The following TRPM3 variants were observed in gnomAD, a reference collection of about 807,000 sequenced individuals.
TRPM3 encodes the protein long transient receptor potential channel 3.
A neutral mutation model predicts 181.2 loss-of-function variants in TRPM3; 77 were observed. The observed-to-expected ratio is 0.42, with a 90% CI of 0.35 to 0.51. The LOEUF is 0.51. Ranked by LOEUF, TRPM3 falls within the 20% of genes least tolerant of loss-of-function variation. The pLI, the probability that TRPM3 is intolerant of heterozygous loss-of-function variation, is 0.01. For missense variants in TRPM3, 1,759 were observed against 2,196.7 expected (o/e 0.80, Z 3.98); for synonymous variants, 745 against 796.4 (o/e 0.94, Z 1.09).
At chr9:71,298,160 C>T (rs1386593865) in intron 1 of TRPM3, among the ~76,000 whole-genome samples, 2 of 151,638 alleles carry the variant, frequency 1.3e-5, no homozygotes, top group Admixed American at 1.3e-4. Flanking sequence ...TGCAGGATAT[C>T]TTAAGTCTTT....
intron 6 of TRPM3, among the ~76,000 whole-genome samples, chr9:70,805,696 C>A (rs1399436134): frequency 6.6e-6 from 1 of 151,994 alleles, no homozygotes; most frequent in Non-Finnish European, 1.5e-5. Flanking sequence ...TATAAGAGTT[C>A]TTATTACTTG....
At chr9:70,775,469 G>A (rs1314937372) in intron 7 of TRPM3, 1 of 152,304 alleles carries the variant, frequency 6.6e-6, no homozygotes, top group Non-Finnish European at 1.5e-5. Flanking sequence ...GCTGGCTCTA[G>A]AGAAAAGCTG....
chr9:70,682,072 T>C (rs575870781), intron 8 of TRPM3, among the ~76,000 whole-genome samples: 27 of 152,282 alleles, frequency 1.8e-4, no homozygotes, highest in African/African-American at 6.0e-4. Context: ...CCTCCAGAAC[T>C]GTATGAAATA....
At chr9:70,618,317 G>A (rs2063104264) in intron 17 of TRPM3, among the ~76,000 whole-genome samples, 1 of 152,148 alleles carries the variant, frequency 6.6e-6, no homozygotes, top group African/African-American at 2.4e-5. Flanking sequence ...CATTAAAAAT[G>A]GCCTCAGATT....
intron 1 of TRPM3, among the ~76,000 whole-genome samples, chr9:71,287,162 T>C (rs546034039): frequency 2.0e-5 from 3 of 147,364 alleles, no homozygotes; most frequent in Non-Finnish European, 4.5e-5. Context: ...TAAATATATG[T>C]ATATAAAATA....
chr9:70,751,056 T>C (rs1587818842), intron 8 of TRPM3, among the ~76,000 whole-genome samples: 1 of 151,660 alleles, frequency 6.6e-6, no homozygotes, highest in South Asian at 2.1e-4. Flanking sequence ...AATAAATGAA[T>C]GAAATTTAAA....
chr9:71,296,466 C>T (rs6560195), intron 1 of TRPM3, among the ~76,000 whole-genome samples: 149,365 of 152,268 alleles, frequency 0.98, 73,311 homozygotes, highest in East Asian at 1. Flanking sequence ...TATGAAGATC[C>T]TGGGAAGAAA....
chr9:70,627,415 G>A (rs1394795593), intron 12 of TRPM3, among the ~76,000 whole-genome samples: 1 of 152,050 alleles, frequency 6.6e-6, no homozygotes, highest in Non-Finnish European at 1.5e-5. Flanking sequence ...TTGGACTACA[G>A]GTGTATGCCA....
chr9:71,283,298 T>C (rs920853322), intron 1 of TRPM3, among the ~76,000 whole-genome samples: 1 of 152,154 alleles, frequency 6.6e-6, no homozygotes, highest in African/African-American at 2.4e-5. Context: ...TTTCTTTCTT[T>C]CTTTTTCTTT....
chr9:71,095,900 A>G (rs535857958), intron 1 of TRPM3, among the ~76,000 whole-genome samples: 2 of 152,234 alleles, frequency 1.3e-5, no homozygotes, highest in African/African-American at 4.8e-5. Flanking sequence ...TACCAGAGAC[A>G]GAGTGGACAT....
chr9:71,158,966 G>C (rs1157622275), intron 1 of TRPM3, among the ~76,000 whole-genome samples: 2 of 149,942 alleles, frequency 1.3e-5, no homozygotes, highest in Non-Finnish European at 3.0e-5. Flanking sequence ...AACCCAGCTG[G>C]AATCTACACC....
At chr9:71,326,984 G>A (rs28678211) in intron 1 of TRPM3, among the ~76,000 whole-genome samples, 2,398 of 152,284 alleles carry the variant, frequency 0.016, 27 homozygotes, top group Middle Eastern at 0.061. Context: ...TCAGGACCGT[G>A]TCTCTAGATA....
At chr9:71,177,947 A>T (rs1565308336) in intron 1 of TRPM3, among the ~76,000 whole-genome samples, 1 of 151,722 alleles carries the variant, frequency 6.6e-6, no homozygotes, top group Non-Finnish European at 1.5e-5. Context: ...AAAAAAAAAA[A>T]AGCTTCTAAC....
chr9:70,968,757 A>G (rs770886394), intron 1 of TRPM3, among the ~76,000 whole-genome samples: 20 of 152,142 alleles, frequency 1.3e-4, no homozygotes, highest in Non-Finnish European at 2.4e-4. Context: ...TATATAAGGT[A>G]GATAGTATTC....
intron 1 of TRPM3, among the ~76,000 whole-genome samples, chr9:71,290,746 C>T (rs140626497): frequency 7.9e-5 from 12 of 152,172 alleles, no homozygotes; most frequent in East Asian, 1.9e-4. Context: ...AAGTAATTCA[C>T]GTCAAATCAT....
intron 19 of TRPM3, among the ~76,000 whole-genome samples, chr9:70,606,015 AATGTGTT>A (rs1190600418): frequency 2.0e-5 from 3 of 152,236 alleles, no homozygotes; most frequent in Non-Finnish European, 4.4e-5. Context: ...ATACAAGTCT[AATGTGTT>A]CAGTGGAAGG....
intron 1 of TRPM3, among the ~76,000 whole-genome samples, chr9:71,358,480 G>A (rs1340018642): frequency 6.6e-6 from 1 of 152,170 alleles, no homozygotes. Context: ...CTATTGATTG[G>A]TTAGGGTATA....
chr9:71,315,595 A>G (rs1403071612), intron 1 of TRPM3, among the ~76,000 whole-genome samples: 2 of 152,214 alleles, frequency 1.3e-5, no homozygotes, highest in Non-Finnish European at 2.9e-5. Context: ...ATAGCCATCT[A>G]CTAGATTCAC....
intron 1 of TRPM3, among the ~76,000 whole-genome samples, chr9:70,922,958 G>C (rs969010379): frequency 6.6e-6 from 1 of 152,106 alleles, no homozygotes; most frequent in East Asian, 1.9e-4. Context: ...TCTGCTATGA[G>C]ATCATCTGAA....
Sources: allele counts gnomAD v4.1 joint callset (sites outside exome capture counted in the v4.1 genomes callset), GRCh38; gene constraint gnomAD v4.1.1; transcripts MANE v1.5; gene names NCBI Gene and HGNC (gene_info 2026-07-23, HGNC 2026-07-21).